SERINC5: variants seen among roughly 807,000 people sequenced by gnomAD.
The protein encoded by SERINC5 is serine incorporator 5, also known as chromosome 5 open reading frame 12.
In SERINC5, 41 loss-of-function variants were observed where a neutral mutation model predicts 63.1. The ratio of observed to expected loss-of-function variants is 0.65; its 90% CI spans 0.51 to 0.84. The LOEUF (loss-of-function observed/expected upper bound fraction) is 0.84. Among genes scored for constraint, SERINC5 ranks in the 40% least tolerant of loss-of-function variants. SERINC5 has a pLI of 0.00. For missense variants in SERINC5, 523 were observed against 573.0 expected (o/e 0.91, Z 0.89); for synonymous variants, 222 against 215.2 (o/e 1.03, Z -0.28).
In SERINC5 at chr5:80,141,968, G is replaced by T. The variant is rs1446789658; in HGVS notation, c.*1695C>A. ...TTTCTTGGGAGAAGGGCAAAGGAAT[G>T]AATAGAAAGAATTTCACTAATTTCA... On this transcript the variant is annotated 3_prime_UTR_variant, in exon 12 of 12. Transcript: ENST00000507668. 1.2e-5 allele frequency: 12 copies of T among 985,224 alleles called. No individual in the cohort carries two copies. In the South Asian group the frequency reaches 1.4e-4, roughly 12 times the overall value. 61.0% of individuals were successfully genotyped at this position (985,224 alleles called of 1,614,324 possible). A position where few individuals can be genotyped will look rare whatever the true frequency, so the allele number is the denominator to read the frequency against.
At position 80,214,156 on chromosome 5, in the gene SERINC5, T is replaced by C. The variant is rs1229176886; in HGVS notation, c.28-11103A>G. 5.9e-5 allele frequency among the ~76,000 whole-genome samples: 9 copies of C among 152,162 alleles called. No homozygotes were observed. In the East Asian group the frequency reaches 1.7e-3, roughly 29 times the overall value. On this transcript the variant is annotated intron_variant, in intron 1 of 11. Coordinates refer to ENST00000507668, the MANE Select transcript of SERINC5 (RefSeq NM_001174072.3). ...AAAAATTTATGGCCATGGAAAGACG[T>C]CCACACTGTATAAACTGAAAATAGT...
chr5:80,217,232 C>T (rs1445424840), intron 1 of SERINC5, among the ~76,000 whole-genome samples: 1 of 151,592 alleles, frequency 6.6e-6, no homozygotes, highest in Non-Finnish European at 1.5e-5. Context: ...GGGCAGAAAC[C>T]CTGCTCGTTC....
intron 1 of SERINC5, among the ~76,000 whole-genome samples, chr5:80,212,665 T>TG (rs752075084): frequency 0.011 from 538 of 50,184 alleles, 2 homozygotes; most frequent in Middle Eastern, 0.056. Flanking sequence ...AGTGGTGGGG[T>TG]GGGGGGGGGG....
chr5:80,161,189 GATTT>G (rs1464373443), intron 7 of SERINC5, among the ~76,000 whole-genome samples: 1 of 151,922 alleles, frequency 6.6e-6, no homozygotes, highest in Non-Finnish European at 1.5e-5. Flanking sequence ...TTGATATAAT[GATTT>G]ATTTTCCTTT....
rs1228022777 is a variant in SERINC5, at chr5:80,143,733, A to G, written c.1316T>C (p.Ile439Thr). Residue 439 changes from isoleucine to threonine, a missense_variant, in exon 12 of 12, where the codon ATA becomes ACA. Physicochemically the swap from Ile to Thr is moderately conservative, Grantham distance 89. Coordinates refer to ENST00000507668, the MANE Select transcript of SERINC5 (RefSeq NM_001174072.3). The stretch of plus-strand genomic sequence containing the variant: ...CGTACACAGGTACAACAGCACGCAT[A>G]TCCAGCAGGAGGCCATCTTGACCCA... ...IFWVKMASCW[I>T]CVLLYLCTLV... 1 of 1,536,152 alleles carries G rather than the reference A, an allele frequency of 6.5e-7. No individual in the cohort carries two copies. The highest frequency in any genetic ancestry group is 8.7e-7 in the Non-Finnish European group (1 of 1,146,898).
intron 10 of SERINC5, among the ~76,000 whole-genome samples, chr5:80,146,803 A>T (rs1013777974): frequency 6.6e-6 from 1 of 152,140 alleles, no homozygotes; most frequent in Admixed American, 6.5e-5. Flanking sequence ...ACCCTTAAAG[A>T]CGTAAAACTT....
intron 11 of SERINC5, among the ~76,000 whole-genome samples, chr5:80,115,567 T>C (rs1410308429): frequency 6.6e-6 from 1 of 152,084 alleles, no homozygotes; most frequent in Non-Finnish European, 1.5e-5. Flanking sequence ...GAATTTGTTC[T>C]ATTTCATAAT....
intron 1 of SERINC5, among the ~76,000 whole-genome samples, chr5:80,231,483 C>T (rs1751435772): frequency 6.6e-6 from 1 of 152,074 alleles, no homozygotes; most frequent in African/African-American, 2.4e-5. Flanking sequence ...ATGTTTAAAT[C>T]TCATGGTCAC....
At chr5:80,247,369 C>T (rs17201124) in intron 1 of SERINC5, among the ~76,000 whole-genome samples, 24,998 of 151,952 alleles carry the variant, frequency 0.16, 2,197 homozygotes, top group Admixed American at 0.2. Context: ...ATACAGAAAA[C>T]GAGGGCGGAA....
intron 5 of SERINC5, among the ~76,000 whole-genome samples, chr5:80,174,197 C>G (rs1747862916): frequency 6.6e-6 from 1 of 151,718 alleles, no homozygotes; most frequent in Non-Finnish European, 1.5e-5. Context: ...CCCATCTCTA[C>G]CAAGCAAACA....
In SERINC5 at chr5:80,170,344, A is replaced by C. The variant is rs187980793; in HGVS notation, c.552-798T>G. Among the ~76,000 whole-genome samples, 61 of 152,276 alleles carry C rather than the reference A, an allele frequency of 4.0e-4. No homozygotes were observed. In the East Asian group the frequency reaches 0.011, roughly 27 times the overall value. On this transcript the variant is annotated intron_variant, in intron 5 of 11. Transcript: ENST00000507668. ...TACACATCTTGAAAGGTTTAGGGAC[A>C]AGCAGAGAATTTACTTATGAGCAAT...
intron 2 of SERINC5, among the ~76,000 whole-genome samples, chr5:80,191,496 GA>G (rs70982033): frequency 0.5 from 59,162 of 118,394 alleles, 14,186 homozygotes; most frequent in East Asian, 0.75. Context: ...AAAAAAAAAA[GA>G]AAAAAAAAAA....
chr5:80,219,364 C>T (rs140017005), intron 1 of SERINC5, among the ~76,000 whole-genome samples: 16 of 152,158 alleles, frequency 1.1e-4, no homozygotes, highest in African/African-American at 3.9e-4. Flanking sequence ...TTAACTTTAG[C>T]CTTCATCATC....
At chr5:80,193,091 G>A (rs1749293947) in intron 2 of SERINC5, among the ~76,000 whole-genome samples, 3 of 152,198 alleles carry the variant, frequency 2.0e-5, no homozygotes, top group Admixed American at 2.0e-4. Flanking sequence ...ACCTTTCAGA[G>A]TGCTCGCCAC....
intron 1 of SERINC5, among the ~76,000 whole-genome samples, chr5:80,252,211 C>A (rs1752460655): frequency 1.3e-5 from 2 of 151,914 alleles, no homozygotes; most frequent in African/African-American, 4.8e-5. Context: ...ACAGGTCGTG[C>A]ACCATCACGC....
intron 1 of SERINC5, among the ~76,000 whole-genome samples, chr5:80,247,758 T>C (rs1752226880): frequency 1.3e-5 from 2 of 152,198 alleles, no homozygotes; most frequent in African/African-American, 2.4e-5. Flanking sequence ...CCAAGGAGGA[T>C]GTGTTCCAAG....
At chr5:80,164,457 C>G (rs1168521152) in intron 7 of SERINC5, among the ~76,000 whole-genome samples, 1 of 152,128 alleles carries the variant, frequency 6.6e-6, no homozygotes, top group Non-Finnish European at 1.5e-5. Flanking sequence ...TCACAGCTCA[C>G]TGCAGCCTCA....
intron 1 of SERINC5, among the ~76,000 whole-genome samples, chr5:80,244,386 T>C (rs1752078273): frequency 6.6e-6 from 1 of 151,932 alleles, no homozygotes; most frequent in South Asian, 2.1e-4. Flanking sequence ...TGGCTAATTT[T>C]TGTATTTTTA....
chr5:80,190,241 C>CAGCT, intron 2 of SERINC5, among the ~76,000 whole-genome samples: 1 of 151,476 alleles, frequency 6.6e-6, no homozygotes, highest in East Asian at 1.9e-4. Context: ...CCTCCTGGAG[C>CAGCT]AGCTAGGACT....
Sources: gnomAD v4.1 joint callset for allele counts (sites outside exome capture counted in the v4.1 genomes callset) on GRCh38, gnomAD v4.1.1 for gene constraint, MANE v1.5 for transcripts, NCBI Gene and HGNC (gene_info 2026-07-23, HGNC 2026-07-21) for gene names.